MGAT4A: variants seen among roughly 807,000 people sequenced by gnomAD.
The protein encoded by MGAT4A is N-acetylglucosaminyltransferase IVa.
In MGAT4A, 33 loss-of-function variants were observed where a neutral mutation model predicts 74.1. The observed-to-expected ratio is 0.45, with a 90% confidence interval of 0.34 to 0.60. MGAT4A has a LOEUF of 0.60. MGAT4A is among the 20% of genes least tolerant of loss of function. The pLI, the probability that MGAT4A is intolerant of heterozygous loss-of-function variation, is 0.02. For synonymous variants in MGAT4A, 198 were observed against 210.4 expected (o/e 0.94, Z 0.51); for missense variants, 479 against 628.3 (o/e 0.76, Z 2.54).
intron 1 of MGAT4A, chr2:98,726,819 T>C (rs77626919): frequency 0.074 from 11,288 of 153,312 alleles, 682 homozygotes; most frequent in Non-Finnish European, 0.11. Context: ...AAGAAAGTTA[T>C]GGTGACTGAT....
chr2:98,706,574 C>T (rs180926416), intron 2 of MGAT4A, among the ~76,000 whole-genome samples: 1,708 of 151,192 alleles, frequency 0.011, 17 homozygotes, highest in Middle Eastern at 0.031. Flanking sequence ...ATGATCCACC[C>T]GCGTCGGCCT....
At chr2:98,667,351 G>T (rs1701849927) in intron 4 of MGAT4A, among the ~76,000 whole-genome samples, 1 of 152,194 alleles carries the variant, frequency 6.6e-6, no homozygotes, top group South Asian at 2.1e-4. Context: ...GGGTTAACAG[G>T]CAGAGGCTGG....
At position 98,621,329 on chromosome 2, in the gene MGAT4A, C is replaced by T. The variant is rs11892744; in HGVS notation, c.*4237G>A. ...GAGCTTATGGGCTGAATTCAGTTCC[C>T]GTGGCTGTAGGACTGCAGTTCCCAG... On this transcript the variant is annotated 3_prime_UTR_variant, in exon 16 of 16. Transcript: ENST00000393487. 0.23 allele frequency: 341,088 copies of T among 1,467,104 alleles called. 40,410 individuals carry two copies. Among genetic ancestry groups the T allele is most frequent in the East Asian group, 0.27 (10,754 of 39,110 alleles). 90.9% of individuals were successfully genotyped at this position (1,467,104 alleles called of 1,614,324 possible).
intron 4 of MGAT4A, among the ~76,000 whole-genome samples, chr2:98,665,147 G>A (rs955327222): frequency 3.9e-5 from 6 of 151,974 alleles, no homozygotes; most frequent in African/African-American, 1.5e-4. Flanking sequence ...GGCTAACACG[G>A]TGAAACCCTG....
intron 10 of MGAT4A, among the ~76,000 whole-genome samples, chr2:98,643,709 T>G (rs1377155063): frequency 6.6e-6 from 1 of 152,204 alleles, no homozygotes; most frequent in African/African-American, 2.4e-5. Context: ...TATCAGCAAT[T>G]TAAAGAATGT....
At position 98,624,670 on chromosome 2, in the gene MGAT4A, A is replaced by T. The variant is rs1047854903; in HGVS notation, c.*896T>A. ...CCTAATTCATGGATTAAAGACAAAGATTAAAAAGGAAAGAAGAGTTTGTCA... is the reference window on the plus strand; with the variant it reads ...CCTAATTCATGGATTAAAGACAAAGTTTAAAAAGGAAAGAAGAGTTTGTCA... On this transcript the variant is annotated 3_prime_UTR_variant, in exon 16 of 16. Coordinates refer to ENST00000393487, the MANE Select transcript of MGAT4A (RefSeq NM_012214.3). 1.0e-6 allele frequency: 1 copy of T among 981,426 alleles called. No individual in the cohort carries two copies. Among genetic ancestry groups the T allele is most frequent in the Non-Finnish European group, 1.2e-6 (1 of 826,354 alleles). 60.8% of individuals were successfully genotyped at this position (981,426 alleles called of 1,614,324 possible).
chr2:98,725,719 A>C (rs1450527687), intron 2 of MGAT4A, among the ~76,000 whole-genome samples: 2 of 152,192 alleles, frequency 1.3e-5, no homozygotes, highest in African/African-American at 4.8e-5. Context: ...TTAATATTCC[A>C]ATCAGAATTT....
intron 1 of MGAT4A, chr2:98,727,009 G>C (rs767036627): frequency 2.6e-5 from 4 of 152,158 alleles, no homozygotes; most frequent in African/African-American, 7.2e-5. Context: ...CTGGACCCTT[G>C]ACCCAGCTCT....
intron 14 of MGAT4A, among the ~76,000 whole-genome samples, chr2:98,632,739 G>A (rs1701259465): frequency 6.6e-6 from 1 of 152,160 alleles, no homozygotes; most frequent in African/African-American, 2.4e-5. Flanking sequence ...CAGAGCACTG[G>A]TCATGGCAGT....
chr2:98,682,434 A>C (rs896866910), intron 2 of MGAT4A, among the ~76,000 whole-genome samples: 2 of 150,794 alleles, frequency 1.3e-5, no homozygotes, highest in South Asian at 2.1e-4. Context: ...AAAAAAAAAA[A>C]AAAAAAAAAA....
chr2:98,685,238 TAAA>T (rs79947111), intron 2 of MGAT4A, among the ~76,000 whole-genome samples: 23 of 133,442 alleles, frequency 1.7e-4, no homozygotes, highest in East Asian at 2.2e-4. Context: ...CCCTGTCTCT[TAAA>T]AAAAAAAAAA....
At chr2:98,640,060 AATAATT>A in intron 11 of MGAT4A, 55 bp downstream of exon 11, 1 of 1,553,564 alleles carries the variant, frequency 6.4e-7, no homozygotes, top group Non-Finnish European at 8.8e-7. Context: ...GAAGAAAAAC[AATAATT>A]ATAACTTAAA....
chr2:98,631,254 G>A (rs955938010), intron 14 of MGAT4A, among the ~76,000 whole-genome samples: 3 of 152,180 alleles, frequency 2.0e-5, no homozygotes, highest in African/African-American at 4.8e-5. Flanking sequence ...ATGCCTTCAC[G>A]CGTAAGTTGC....
At chr2:98,677,328 T>TCCATCTG (rs1337003650) in intron 3 of MGAT4A, among the ~76,000 whole-genome samples, 32 of 152,324 alleles carry the variant, frequency 2.1e-4, no homozygotes, top group African/African-American at 6.5e-4. Context: ...AGTCCACACA[T>TCCATCTG]AAGTCATCAC....
chr2:98,643,933 T>TCACC lies in MGAT4A; in HGVS notation c.1009_1010insGGTG (p.Glu337GlyfsTer2), dbSNP rs1179437361. The stretch of plus-strand genomic sequence containing the variant: ...GAGGAATTAACTTACTGCATCTTTT[T>TCACC]CAGGGTTGCAGACTTTCACCCAGAG... On this transcript the variant is annotated stop_gained and frameshift_variant, in exon 10 of 16. Transcript: ENST00000393487. LOFTEE classifies it high-confidence loss of function. 1 of 1,553,394 alleles carries TCACC rather than the reference T, an allele frequency of 6.4e-7. No individual in the cohort carries two copies.
intron 8 of MGAT4A, 33 bp from the exon 9 acceptor site, chr2:98,645,575 C>A: frequency 5.0e-6 from 7 of 1,397,082 alleles, no homozygotes; most frequent in South Asian, 1.5e-5. Flanking sequence ...ATTAATACAT[C>A]AAAAAAAGAA....
At chr2:98,719,779 C>T (rs910766591) in intron 2 of MGAT4A, among the ~76,000 whole-genome samples, 7 of 152,188 alleles carry the variant, frequency 4.6e-5, no homozygotes, top group Admixed American at 3.3e-4. Flanking sequence ...TCCCCAGTAG[C>T]TGGGATTACA....
intron 4 of MGAT4A, among the ~76,000 whole-genome samples, chr2:98,667,969 C>T (rs1372442535): frequency 2.6e-5 from 4 of 152,150 alleles, no homozygotes; most frequent in Admixed American, 6.6e-5. Context: ...CCACCCGCCT[C>T]GGCCTCCCAA....
chr2:98,710,344 A>G (rs1032761108), intron 2 of MGAT4A, among the ~76,000 whole-genome samples: 9 of 152,370 alleles, frequency 5.9e-5, no homozygotes, highest in African/African-American at 2.2e-4. Flanking sequence ...AGATATTAAA[A>G]GAAAACAAAT....
Sources: gnomAD v4.1 joint callset for allele counts (sites outside exome capture counted in the v4.1 genomes callset) on GRCh38, gnomAD v4.1.1 for gene constraint, MANE v1.5 for transcripts, NCBI Gene and HGNC (gene_info 2026-07-23, HGNC 2026-07-21) for gene names.